Variants in PCDH7 observed in about 807,000 individuals in gnomAD.
The protein encoded by PCDH7 is protocadherin 7, also known as protocadherin-7.
Under a neutral mutation model 58.9 loss-of-function variants are expected in PCDH7, and 17 were observed. That is an observed-to-expected ratio of 0.29 (90% CI 0.20 to 0.43). The LOEUF is 0.43. Ranked by LOEUF, PCDH7 falls within the 20% of genes least tolerant of loss-of-function variation. The probability of loss-of-function intolerance (pLI) is 1.00; values close to 1 mark genes in which losing one functional copy is unlikely to be tolerated. For missense variants in PCDH7, 1,274 were observed against 1,441.0 expected, an observed-to-expected ratio of 0.88 and a Z score of 1.88; for synonymous variants, 664 against 616.4, an observed-to-expected ratio of 1.08 and a Z score of -1.14.
At chr4:30,874,508 G>A (rs1736032701) in intron 1 of PCDH7, among the ~76,000 whole-genome samples, 1 of 150,626 alleles carries the variant, frequency 6.6e-6, no homozygotes, top group South Asian at 2.1e-4. Flanking sequence ...CATGGACACA[G>A]GAAGGGGAAC....
At chr4:30,955,958 G>T (rs1230140459) in intron 3 of PCDH7, among the ~76,000 whole-genome samples, 1 of 151,690 alleles carries the variant, frequency 6.6e-6, no homozygotes, top group Admixed American at 6.6e-5. Context: ...GCCGAGGCGG[G>T]TGGATCAAGA....
intron 1 of PCDH7, among the ~76,000 whole-genome samples, chr4:30,888,394 T>G (rs1252107235): frequency 2.0e-5 from 3 of 152,168 alleles, no homozygotes; most frequent in Non-Finnish European, 4.4e-5. Flanking sequence ...ACTGTGAGAT[T>G]ATGCAAAACA....
intron 1 of PCDH7, among the ~76,000 whole-genome samples, chr4:30,767,350 C>T (rs1720885247): frequency 6.6e-6 from 1 of 152,128 alleles, no homozygotes; most frequent in Non-Finnish European, 1.5e-5. Flanking sequence ...TAAATAAGAA[C>T]ACGGGTGATT....
chr4:30,998,764 A>G (rs1368754843), intron 3 of PCDH7, among the ~76,000 whole-genome samples: 2 of 152,174 alleles, frequency 1.3e-5, no homozygotes, highest in South Asian at 2.1e-4. Context: ...TAGAATAATC[A>G]GGAACAGCTA....
intron 3 of PCDH7, among the ~76,000 whole-genome samples, chr4:31,027,756 G>A (rs182875292): frequency 3.3e-4 from 50 of 152,200 alleles, no homozygotes; most frequent in Admixed American, 6.5e-4. Flanking sequence ...ATTTATATAT[G>A]CTTTCCTATA....
At chr4:30,726,517 C>G (rs760389230) in intron 1 of PCDH7, among the ~76,000 whole-genome samples, 1 of 151,928 alleles carries the variant, frequency 6.6e-6, no homozygotes, top group Non-Finnish European at 1.5e-5. Flanking sequence ...ATATTTAAAA[C>G]AGCTAATATC....
chr4:31,082,276 C>T (rs757123327), intron 3 of PCDH7, among the ~76,000 whole-genome samples: 4 of 152,106 alleles, frequency 2.6e-5, no homozygotes, highest in Non-Finnish European at 5.9e-5. Flanking sequence ...TCAATATAGT[C>T]AAAATTCATT....
chr4:30,728,247 G>T (rs1217371529), intron 1 of PCDH7, among the ~76,000 whole-genome samples: 2 of 113,212 alleles, frequency 1.8e-5, no homozygotes, highest in Admixed American at 9.8e-5. Flanking sequence ...CAATTCATTT[G>T]TGTGTGTGTG....
chr4:30,722,599 C>T lies in PCDH7; in HGVS notation c.1177C>T (p.Pro393Ser), dbSNP rs764741351. The T allele has an allele frequency of 1.4e-5, 22 of 1,613,088 alleles. No individual in the cohort carries two copies. Among genetic ancestry groups the T allele is most frequent in the South Asian group, 3.3e-5 (3 of 91,086 alleles). ...GGTCATGGCCCGCGACCGCGGGCAG[C>T]CCCCCAAGACCGACAAGGCCACCGT... Residue 393 changes from proline to serine, a missense_variant, in exon 1 of 2, where the codon CCC becomes TCC. Pro to Ser is a moderately conservative substitution (Grantham distance 74, BLOSUM62 -1). This residue lies in a region of PCDH7 where 731 missense variants were observed against 881.9 expected (regional missense o/e 0.83). Transcript: ENST00000361762. The surrounding 1 kb of genome is among the most constrained non-coding windows in gnomAD (Gnocchi z 7.6).
rs960786956 is a variant in PCDH7, at chr4:30,722,369, A to G, written c.947A>G (p.Asp316Gly). The stretch of plus-strand genomic sequence containing the variant: ...TTCGAGAAGAGCGTGTACGAGGCCG[A>G]CTTGGCTGAGAACAGCGCCCCGGGG... The change falls in exon 1 of 2, where the codon GAC (aspartate) becomes GGC (glycine). Residue 316 changes from aspartate to glycine, a missense_variant. By Grantham distance (94) the Asp-to-Gly change is moderately conservative. Coordinates refer to ENST00000361762, the Ensembl canonical transcript of PCDH7. The surrounding 1 kb of genome is among the most constrained non-coding windows in gnomAD (Gnocchi z 7.6). 1 of 1,612,436 alleles carries G rather than the reference A, an allele frequency of 6.2e-7. No individual in the cohort carries two copies. Among genetic ancestry groups the G allele is most frequent in the African/African-American group, 1.3e-5 (1 of 75,034 alleles).
exon 2 of PCDH7, chr4:30,920,268 G>A (rs1743020897): frequency 7.3e-7 from 1 of 1,367,520 alleles, no homozygotes; most frequent in African/African-American, 1.5e-5. Flanking sequence ...AGCAGTAAGA[G>A]TTCATCAGGG....
At chr4:30,883,220 G>A (rs1283571892) in intron 1 of PCDH7, among the ~76,000 whole-genome samples, 2 of 152,122 alleles carry the variant, frequency 1.3e-5, no homozygotes, top group African/African-American at 2.4e-5. Flanking sequence ...CTCTTTTATA[G>A]AGGAAAAAAC....
chr4:30,789,951 A>G (rs529452485), intron 1 of PCDH7, among the ~76,000 whole-genome samples: 5 of 152,284 alleles, frequency 3.3e-5, no homozygotes, highest in East Asian at 3.9e-4. Flanking sequence ...GAAAATGGCT[A>G]TCTACAGCAG....
intron 3 of PCDH7, among the ~76,000 whole-genome samples, chr4:30,988,271 G>T (rs1184535502): frequency 1.3e-5 from 2 of 152,146 alleles, no homozygotes. Context: ...CTGCCCACAA[G>T]TGTATCAACT....
chr4:30,941,366 A>C (rs1746018984), intron 2 of PCDH7, among the ~76,000 whole-genome samples: 2 of 151,932 alleles, frequency 1.3e-5, no homozygotes, highest in Non-Finnish European at 2.9e-5. Context: ...TTTCATTTTC[A>C]TTTGGGTAAA....
At chr4:30,931,788 A>G (rs544131727) in intron 2 of PCDH7, among the ~76,000 whole-genome samples, 15 of 150,558 alleles carry the variant, frequency 1.0e-4, no homozygotes, top group African/African-American at 3.7e-4. Flanking sequence ...AGTCTTAAAG[A>G]ATTTCTAATC....
At chr4:31,038,163 A>G (rs1755565938) in intron 3 of PCDH7, among the ~76,000 whole-genome samples, 1 of 152,204 alleles carries the variant, frequency 6.6e-6, no homozygotes, top group African/African-American at 2.4e-5. Flanking sequence ...GGTTTAGCCA[A>G]ACTACTTGCT....
At chr4:31,030,262 T>C (rs2109184814) in intron 3 of PCDH7, among the ~76,000 whole-genome samples, 1 of 152,320 alleles carries the variant, frequency 6.6e-6, no homozygotes, top group South Asian at 2.1e-4. Context: ...TCAGCAATCC[T>C]TCCTTGTATC....
chr4:30,923,695 T>C (rs1468228890), intron 2 of PCDH7, among the ~76,000 whole-genome samples: 1 of 152,146 alleles, frequency 6.6e-6, no homozygotes, highest in Non-Finnish European at 1.5e-5. Flanking sequence ...ATTTAAAAAA[T>C]ATTTTAAGAA....
Sources: gnomAD v4.1 joint callset for allele counts (sites outside exome capture counted in the v4.1 genomes callset) on GRCh38, gnomAD v4.1.1 for gene constraint, gnomAD v4.1.1 regional missense constraint, Gnocchi (gnomAD v3.1) non-coding constraint, MANE v1.5 for transcripts, NCBI Gene and HGNC (gene_info 2026-07-23, HGNC 2026-07-21) for gene names.